The following DSCAM variants were observed in gnomAD, a reference collection of about 807,000 sequenced individuals.
DSCAM encodes cell adhesion molecule DSCAM.
Under a neutral mutation model 217.7 loss-of-function variants are expected in DSCAM, and 47 were observed. That is an observed-to-expected ratio of 0.22 (90% CI 0.17 to 0.28). The LOEUF is 0.28. Ranked by LOEUF, DSCAM falls within the 10% of genes least tolerant of loss-of-function variation. The probability of loss-of-function intolerance (pLI) is 1.00; values close to 1 mark genes in which losing one functional copy is unlikely to be tolerated. For missense variants in DSCAM, 2,080 were observed against 2,618.3 expected, an observed-to-expected ratio of 0.79 and a Z score of 4.49; for synonymous variants, 1,056 against 1,015.3, an observed-to-expected ratio of 1.04 and a Z score of -0.76.
chr21:40,547,480 A>C (rs1304080546), intron 3 of DSCAM, among the ~76,000 whole-genome samples: 1 of 152,160 alleles, frequency 6.6e-6, no homozygotes, highest in Non-Finnish European at 1.5e-5. Context: ...CATTCTCCTC[A>C]AGGTTAAAAC....
At chr21:40,544,866 C>T (rs2076568840) in intron 3 of DSCAM, among the ~76,000 whole-genome samples, 2 of 148,374 alleles carry the variant, frequency 1.3e-5, no homozygotes, top group Non-Finnish European at 3.0e-5. Flanking sequence ...CACTTTTTTC[C>T]AAATAAGAAA....
chr21:40,160,228 G>A (rs2090526037), intron 16 of DSCAM, among the ~76,000 whole-genome samples: 1 of 152,214 alleles, frequency 6.6e-6, no homozygotes, highest in Non-Finnish European at 1.5e-5. Context: ...CTAGAGAAAA[G>A]GGTTCAAGTT....
At chr21:40,500,042 GT>G (rs1211611263) in intron 3 of DSCAM, among the ~76,000 whole-genome samples, 6 of 152,148 alleles carry the variant, frequency 3.9e-5, no homozygotes, top group Non-Finnish European at 7.3e-5. Flanking sequence ...GTCTCCCAAA[GT>G]GCTGAGATTA....
At chr21:40,020,213 T>TTGCCTGCCACCATATAAGATG (rs2088237534) in intron 32 of DSCAM, among the ~76,000 whole-genome samples, 1 of 152,198 alleles carries the variant, frequency 6.6e-6, no homozygotes, top group Admixed American at 6.5e-5. Context: ...CATTTTTCTC[T>TTGCCTGCCACCATATAAGATG]TGCCTGCCAC....
At chr21:40,368,707 T>G (rs1265725498) in intron 4 of DSCAM, among the ~76,000 whole-genome samples, 2 of 152,236 alleles carry the variant, frequency 1.3e-5, no homozygotes, top group Non-Finnish European at 2.9e-5. Context: ...ATAGGATATT[T>G]ACCACAGGGG....
At chr21:40,568,683 G>A (rs1370179482) in intron 3 of DSCAM, among the ~76,000 whole-genome samples, 3 of 152,024 alleles carry the variant, frequency 2.0e-5, no homozygotes, top group East Asian at 3.8e-4. Flanking sequence ...AATACAGATG[G>A]GTAGAAAGGC....
intron 32 of DSCAM, among the ~76,000 whole-genome samples, chr21:40,031,051 C>A (rs561026781): frequency 6.6e-6 from 1 of 152,298 alleles, no homozygotes; most frequent in South Asian, 2.1e-4. Context: ...TTTGTGTCCT[C>A]TTGTTCCAGA....
At chr21:40,719,707 G>A (rs1003692027) in intron 1 of DSCAM, among the ~76,000 whole-genome samples, 20 of 152,290 alleles carry the variant, frequency 1.3e-4, no homozygotes, top group African/African-American at 4.8e-4. Context: ...GATTTACACT[G>A]TATTGTTCCA....
At position 40,338,097 on chromosome 21, in the gene DSCAM, T is replaced by C. The variant is rs1366046517; in HGVS notation, c.1783+4A>G. The stretch of plus-strand genomic sequence containing the variant: ...TGTGTGGGAACCAGGAGAACAGGGC[T>C]TACCTTTCACGGTCACGTGGACGCT... On this transcript the variant is annotated splice_donor_region_variant and intron_variant, in intron 8 of 32. Coordinates refer to ENST00000400454, the MANE Select transcript of DSCAM (RefSeq NM_001389.5). The C allele has an allele frequency of 6.2e-7, 1 of 1,613,292 alleles. No homozygotes were observed. The highest frequency in any genetic ancestry group is 1.7e-5 in the Admixed American group (1 of 60,024).
intron 3 of DSCAM, among the ~76,000 whole-genome samples, chr21:40,439,959 CT>C (rs1264259318): frequency 2.2e-4 from 34 of 152,346 alleles, no homozygotes; most frequent in African/African-American, 8.2e-4. Flanking sequence ...ACCATATCAC[CT>C]TCTGGACCCC....
chr21:40,813,499 G>C (rs2091856101), intron 1 of DSCAM, among the ~76,000 whole-genome samples: 1 of 151,966 alleles, frequency 6.6e-6, no homozygotes, highest in Non-Finnish European at 1.5e-5. Context: ...CAGTGGTTTT[G>C]GCAAGTTGTG....
At chr21:40,494,406 C>A (rs7410033) in intron 3 of DSCAM, among the ~76,000 whole-genome samples, 13,483 of 152,076 alleles carry the variant, frequency 0.089, 701 homozygotes, top group Middle Eastern at 0.16. Flanking sequence ...TTTCCAACCA[C>A]AATGGTATGA....
At chr21:40,475,496 T>G (rs751059622) in intron 3 of DSCAM, among the ~76,000 whole-genome samples, 1 of 152,300 alleles carries the variant, frequency 6.6e-6, no homozygotes, top group Non-Finnish European at 1.5e-5. Context: ...TTGAATCACA[T>G]TTTCCTCAGT....
intron 3 of DSCAM, among the ~76,000 whole-genome samples, chr21:40,591,711 A>G (rs1193695665): frequency 6.6e-6 from 1 of 152,234 alleles, no homozygotes; most frequent in Non-Finnish European, 1.5e-5. Flanking sequence ...CATAGTTATA[A>G]TAGGGACAAA....
At chr21:40,768,237 A>AATTGCACCCAG (rs1169899788) in intron 1 of DSCAM, among the ~76,000 whole-genome samples, 2 of 152,008 alleles carry the variant, frequency 1.3e-5, no homozygotes, top group Non-Finnish European at 2.9e-5. Flanking sequence ...CCCCTGCCTG[A>AATTGCACCCAG]ATTGCACCCA....
intron 3 of DSCAM, among the ~76,000 whole-genome samples, chr21:40,557,739 A>G (rs1396576013): frequency 6.6e-6 from 1 of 152,148 alleles, no homozygotes; most frequent in Non-Finnish European, 1.5e-5. Flanking sequence ...CAGATGCTCA[A>G]TCTTAAACTT....
At chr21:40,744,503 A>C (rs1385606073) in intron 1 of DSCAM, among the ~76,000 whole-genome samples, 3 of 152,070 alleles carry the variant, frequency 2.0e-5, no homozygotes, top group Non-Finnish European at 4.4e-5. Context: ...TACGTATTTA[A>C]GTCTTTCCCA....
chr21:40,347,944 C>T lies in DSCAM; in HGVS notation c.936G>A (p.Gln312=). Residue 312 remains glutamine, a splice_region_variant and synonymous_variant, in exon 6 of 33, where the codon CAG becomes CAA. Coordinates refer to ENST00000400454, the MANE Select transcript of DSCAM (RefSeq NM_001389.5). ...TGGGACTGATGGTGGCTTTCAGTGG[C>T]TCTGGAGGTTTTAGTAAGAGAGAGA... ...AKVIGRLYVK[Q]PLKATISPRK... is the part of the protein sequence containing the mutation. 1 of 1,609,786 alleles carries T rather than the reference C, an allele frequency of 6.2e-7. No homozygotes were observed. The highest frequency in any genetic ancestry group is 8.5e-7 in the Non-Finnish European group (1 of 1,177,162).
chr21:40,638,866 A>G (rs1025162005), intron 3 of DSCAM, among the ~76,000 whole-genome samples: 1 of 151,470 alleles, frequency 6.6e-6, no homozygotes, highest in African/African-American at 2.4e-5. Flanking sequence ...GGAAAATATG[A>G]AAAACATGAA....
Sources: allele counts gnomAD v4.1 joint callset (sites outside exome capture counted in the v4.1 genomes callset), GRCh38; gene constraint gnomAD v4.1.1; transcripts MANE v1.5; gene names NCBI Gene and HGNC (gene_info 2026-07-23, HGNC 2026-07-21).